Variants in ARHGAP15 observed in about 807,000 individuals in gnomAD.
ARHGAP15 encodes the protein Rho GTPase activating protein 15.
Under a neutral mutation model 63.7 loss-of-function variants are expected in ARHGAP15, and 51 were observed. That is an observed-to-expected ratio of 0.80 (90% CI 0.64 to 1.01). ARHGAP15 has a LOEUF of 1.01. Among genes scored for constraint, ARHGAP15 ranks in the 50% least tolerant of loss-of-function variants. The probability of loss-of-function intolerance (pLI) is 0.00; values close to 1 mark genes in which losing one functional copy is unlikely to be tolerated. For synonymous variants in ARHGAP15, 191 were observed against 193.8 expected, an observed-to-expected ratio of 0.99 and a Z score of 0.12; for missense variants, 560 against 564.6, an observed-to-expected ratio of 0.99 and a Z score of 0.08.
intron 8 of ARHGAP15, among the ~76,000 whole-genome samples, chr2:143,484,668 G>C (rs928698825): frequency 1.1e-4 from 17 of 152,124 alleles, no homozygotes; most frequent in Non-Finnish European, 2.4e-4. Flanking sequence ...TTATCTTCCA[G>C]CACTGTCCAA....
intron 5 of ARHGAP15, among the ~76,000 whole-genome samples, chr2:143,243,079 A>G (rs1693921643): frequency 6.6e-6 from 1 of 152,152 alleles, no homozygotes; most frequent in South Asian, 2.1e-4. Context: ...GTGCGGCCAA[A>G]TGATTTGTGG....
At chr2:143,289,429 G>A (rs554877793) in intron 6 of ARHGAP15, among the ~76,000 whole-genome samples, 18 of 152,206 alleles carry the variant, frequency 1.2e-4, no homozygotes, top group South Asian at 2.1e-4. Context: ...AAAGGTTTAG[G>A]AGTTTGATGT....
intron 5 of ARHGAP15, among the ~76,000 whole-genome samples, chr2:143,244,161 C>T (rs964779749): frequency 1.3e-5 from 2 of 152,150 alleles, no homozygotes; most frequent in Non-Finnish European, 2.9e-5. Context: ...TCCAGTTCCT[C>T]AATTATTTCA....
At chr2:143,678,995 A>G (rs939845227) in intron 12 of ARHGAP15, among the ~76,000 whole-genome samples, 4 of 152,188 alleles carry the variant, frequency 2.6e-5, no homozygotes, top group African/African-American at 7.2e-5. Flanking sequence ...GCCACCAATA[A>G]CATATATGTA....
intron 6 of ARHGAP15, among the ~76,000 whole-genome samples, chr2:143,304,464 G>A (rs1683074365): frequency 6.6e-6 from 1 of 151,940 alleles, no homozygotes; most frequent in African/African-American, 2.4e-5. Flanking sequence ...TGGGGTGGGG[G>A]AAGAGGGGAG....
intron 8 of ARHGAP15, among the ~76,000 whole-genome samples, chr2:143,439,227 A>T (rs1173558794): frequency 7.4e-6 from 1 of 134,870 alleles, no homozygotes; most frequent in East Asian, 2.6e-4. Flanking sequence ...GTTCAAGACC[A>T]TCCTGGCCAA....
Position 143,151,273 on chromosome 2 carries a change from T to G in ARHGAP15, c.-14-4204T>G, listed in dbSNP as rs115798070. On this transcript the variant is annotated intron_variant, in intron 1 of 13. Coordinates refer to ENST00000295095, the MANE Select transcript of ARHGAP15 (RefSeq NM_018460.4). ...CCCTAGAACCTTATTTCATAAAGGC[T>G]AAAAAATAAGACCACCATGGAAGGG... is the stretch of plus-strand genomic sequence containing the variant. 9.4e-3 allele frequency among the ~76,000 whole-genome samples: 1,423 copies of G among 152,012 alleles called. 24 individuals carry two copies. The highest frequency in any genetic ancestry group is 0.032 in the African/African-American group (1,347 of 41,492).
At chr2:143,374,953 AATGAATAT>A (rs1402255338) in intron 6 of ARHGAP15, among the ~76,000 whole-genome samples, 1 of 152,212 alleles carries the variant, frequency 6.6e-6, no homozygotes, top group African/African-American at 2.4e-5. Flanking sequence ...AGGGAAAATA[AATGAATAT>A]ATGATCATCA....
chr2:143,602,182 G>C (rs567252883), intron 11 of ARHGAP15, among the ~76,000 whole-genome samples: 1 of 152,118 alleles, frequency 6.6e-6, no homozygotes, highest in Non-Finnish European at 1.5e-5. Flanking sequence ...TGGTTGTCAT[G>C]TACACGTTAC....
At chr2:143,340,196 A>G (rs1467891877) in intron 6 of ARHGAP15, among the ~76,000 whole-genome samples, 1 of 152,116 alleles carries the variant, frequency 6.6e-6, no homozygotes, top group Admixed American at 6.6e-5. Context: ...CTTTTATTTT[A>G]CTTATTGGAA....
chr2:143,576,343 G>A (rs1696680380), intron 11 of ARHGAP15, among the ~76,000 whole-genome samples: 3 of 152,138 alleles, frequency 2.0e-5, no homozygotes, highest in Admixed American at 6.6e-5. Context: ...CTTGGTGACT[G>A]ACCAGATGGT....
chr2:143,432,825 T>C (rs2105082269), intron 6 of ARHGAP15, among the ~76,000 whole-genome samples: 1 of 152,094 alleles, frequency 6.6e-6, no homozygotes, highest in Middle Eastern at 3.4e-3. Context: ...CCTGGTGTGG[T>C]AATGAGGGAT....
intron 6 of ARHGAP15, chr2:143,351,188 AT>A (rs1180467011): frequency 6.6e-6 from 1 of 152,198 alleles, no homozygotes; most frequent in Non-Finnish European, 1.5e-5. Context: ...CTTGATTGTT[AT>A]TTAGCATGTA....
Position 143,459,486 on chromosome 2 carries a change from A to C in ARHGAP15, c.703+22444A>C, listed in dbSNP as rs867002803. On this transcript the variant is annotated intron_variant, in intron 8 of 13. Coordinates refer to ENST00000295095, the MANE Select transcript of ARHGAP15 (RefSeq NM_018460.4). ...GTTTTCATAAATCTTATCAACTACT[A>C]TATTTCATTGCATCATAATCATGTA... Among the ~76,000 whole-genome samples, 4 of 152,150 alleles carry C rather than the reference A, an allele frequency of 2.6e-5. No homozygotes were observed. In the South Asian group the frequency reaches 8.3e-4, roughly 32 times the overall value.
At chr2:143,379,669 A>C (rs1322732810) in intron 6 of ARHGAP15, among the ~76,000 whole-genome samples, 1 of 152,014 alleles carries the variant, frequency 6.6e-6, no homozygotes, top group East Asian at 1.9e-4. Flanking sequence ...TCAACTATAG[A>C]GAAAAGTGAA....
intron 8 of ARHGAP15, among the ~76,000 whole-genome samples, chr2:143,468,663 A>AGAGTGTGTGTGT (rs764115175): frequency 7.3e-6 from 1 of 136,238 alleles, no homozygotes; most frequent in Non-Finnish European, 1.6e-5. Context: ...AGAGAGAGAG[A>AGAGTGTGTGTGT]GTGTGTGTGT....
At chr2:143,624,299 G>A in intron 12 of ARHGAP15, 32 bp downstream of exon 12, 1 of 1,584,398 alleles carries the variant, frequency 6.3e-7, no homozygotes. Flanking sequence ...GCAGGTGGTA[G>A]AATAACCTGA....
intron 1 of ARHGAP15, 131 bp from the exon 2 acceptor site, chr2:143,155,346 A>T: frequency 2.4e-6 from 2 of 829,354 alleles, no homozygotes; most frequent in African/African-American, 1.8e-5. Context: ...TTTTTTCTTC[A>T]CTAGTCAGAG....
intron 12 of ARHGAP15, among the ~76,000 whole-genome samples, chr2:143,684,086 A>G (rs947914106): frequency 1.3e-5 from 2 of 152,220 alleles, no homozygotes; most frequent in Non-Finnish European, 2.9e-5. Context: ...TCTCCTAAAG[A>G]TTTTAATTGG....
Sources: gnomAD v4.1 joint callset for allele counts (sites outside exome capture counted in the v4.1 genomes callset) on GRCh38, gnomAD v4.1.1 for gene constraint, MANE v1.5 for transcripts, NCBI Gene and HGNC (gene_info 2026-07-23, HGNC 2026-07-21) for gene names.